Variants in PTPRD observed in about 807,000 individuals in gnomAD.
The protein encoded by PTPRD is protein tyrosine phosphatase receptor type D.
In PTPRD, 34 loss-of-function variants were observed where a neutral mutation model predicts 214.5. The observed-to-expected ratio is 0.16, with a 90% CI of 0.12 to 0.21. The LOEUF (loss-of-function observed/expected upper bound fraction) is 0.21, where lower values mean the gene tolerates loss of function less well. PTPRD is among the 10% of genes least tolerant of loss of function. The probability of loss-of-function intolerance (pLI) is 1.00; values close to 1 mark genes in which losing one functional copy is unlikely to be tolerated. For synonymous variants in PTPRD, 1,128 were observed against 845.7 expected (o/e 1.33, Z -5.79); for missense variants, 2,545 against 2,398.7 (o/e 1.06, Z -1.27).
At chr9:9,863,436 G>T (rs1409534963) in intron 5 of PTPRD, among the ~76,000 whole-genome samples, 2 of 152,162 alleles carry the variant, frequency 1.3e-5, no homozygotes, top group East Asian at 1.9e-4. Context: ...AGGGTATAGT[G>T]AACGTTGAAT....
intron 33 of PTPRD, among the ~76,000 whole-genome samples, chr9:8,452,335 T>G (rs1364235533): frequency 2.0e-5 from 3 of 152,228 alleles, no homozygotes; most frequent in Non-Finnish European, 2.9e-5. Flanking sequence ...CTAGAATGAT[T>G]GTTTTCTAAC....
chr9:8,438,843 G>C (rs940692582), intron 34 of PTPRD: 1 of 152,140 alleles, frequency 6.6e-6, no homozygotes, highest in Non-Finnish European at 1.5e-5. Context: ...AAGCCAGTTG[G>C]AGACGGGAAA....
At chr9:8,384,127 C>T (rs1452300325) in intron 37 of PTPRD, among the ~76,000 whole-genome samples, 1 of 152,130 alleles carries the variant, frequency 6.6e-6, no homozygotes, top group Non-Finnish European at 1.5e-5. Context: ...GCCAATTCTG[C>T]AAGCAAGGCT....
At chr9:8,650,618 C>A (rs1314166655) in intron 12 of PTPRD, among the ~76,000 whole-genome samples, 1 of 150,276 alleles carries the variant, frequency 6.7e-6, no homozygotes, top group African/African-American at 2.4e-5. Flanking sequence ...CTTGCCTATA[C>A]ACCAGTGTTT....
chr9:9,451,378 C>T (rs957593548), intron 8 of PTPRD, among the ~76,000 whole-genome samples: 1 of 151,452 alleles, frequency 6.6e-6, no homozygotes, highest in Non-Finnish European at 1.5e-5. Flanking sequence ...AAAATGAAAC[C>T]ACAAAATTTT....
intron 2 of PTPRD, among the ~76,000 whole-genome samples, chr9:10,362,778 G>A (rs937151327): frequency 6.6e-6 from 1 of 152,126 alleles, no homozygotes; most frequent in African/African-American, 2.4e-5. Context: ...TACTTAGGAG[G>A]CTGAGGCAGA....
rs2062018907 is a variant in PTPRD at position 10,554,446 on chromosome 9, C to T, written c.-600+57952G>A. ...TACTTAGAAACTTTCAGAGTAATTA[C>T]TCTCTTCCCTTATTAATTTAAATAT... On this transcript the variant is annotated intron_variant, in intron 2 of 45. Coordinates refer to ENST00000381196, the MANE Select transcript of PTPRD (RefSeq NM_002839.4). 2.6e-5 allele frequency among the ~76,000 whole-genome samples: 4 copies of T among 152,062 alleles called. 1 individual carries two copies. Among genetic ancestry groups the T allele is most frequent in the Admixed American group, 2.6e-4 (4 of 15,214 alleles).
intron 9 of PTPRD, among the ~76,000 whole-genome samples, chr9:9,300,913 A>G (rs1199059456): frequency 6.6e-6 from 1 of 151,838 alleles, no homozygotes; most frequent in Non-Finnish European, 1.5e-5. Context: ...TCACTTAATT[A>G]TAATGTGCAA....
At chr9:9,418,638 C>T (rs2077693856) in intron 8 of PTPRD, among the ~76,000 whole-genome samples, 1 of 151,974 alleles carries the variant, frequency 6.6e-6, no homozygotes, top group African/African-American at 2.4e-5. Flanking sequence ...AATGAGATAG[C>T]ATACATACTA....
intron 9 of PTPRD, among the ~76,000 whole-genome samples, chr9:9,242,468 A>C (rs2099970841): frequency 6.6e-6 from 1 of 152,032 alleles, no homozygotes; most frequent in South Asian, 2.1e-4. Flanking sequence ...TCTCCCTGTC[A>C]CTTTCAGGTA....
intron 2 of PTPRD, among the ~76,000 whole-genome samples, chr9:10,423,015 T>C (rs1049837324): frequency 7.9e-5 from 12 of 152,120 alleles, no homozygotes; most frequent in Admixed American, 2.6e-4. Context: ...CATATGTTTA[T>C]TGTGGCACTA....
chr9:8,965,032 C>T (rs959294242), intron 11 of PTPRD, among the ~76,000 whole-genome samples: 4 of 151,914 alleles, frequency 2.6e-5, no homozygotes, highest in Non-Finnish European at 5.9e-5. Context: ...GTGATGGGTG[C>T]ATGTAGATGT....
chr9:9,801,427 C>G (rs956372306), intron 5 of PTPRD, among the ~76,000 whole-genome samples: 5 of 151,956 alleles, frequency 3.3e-5, no homozygotes, highest in Non-Finnish European at 7.4e-5. Flanking sequence ...TCAAAGGCTG[C>G]CCTTCTATAA....
chr9:9,241,750 G>C (rs2099970465), intron 9 of PTPRD, among the ~76,000 whole-genome samples: 1 of 151,632 alleles, frequency 6.6e-6, no homozygotes, highest in East Asian at 2.0e-4. Context: ...CTCCATACGA[G>C]ATGGGTTTCC....
chr9:9,718,256 A>G, intron 7 of PTPRD, among the ~76,000 whole-genome samples: 1 of 152,234 alleles, frequency 6.6e-6, no homozygotes, highest in East Asian at 1.9e-4. Flanking sequence ...GCAACATTAA[A>G]GAAAAATTCT....
intron 10 of PTPRD, among the ~76,000 whole-genome samples, chr9:9,049,333 G>A (rs2099680101): frequency 1.3e-5 from 2 of 152,236 alleles, no homozygotes; most frequent in South Asian, 4.1e-4. Flanking sequence ...CCAAGAATAG[G>A]TGCTTTATAA....
At chr9:9,245,154 T>G (rs2099972424) in intron 9 of PTPRD, among the ~76,000 whole-genome samples, 1 of 152,110 alleles carries the variant, frequency 6.6e-6, no homozygotes, top group South Asian at 2.1e-4. Context: ...CTGGAGAGGA[T>G]GTGGAGAAAT....
chr9:10,467,168 G>C (rs1379147874), intron 2 of PTPRD, among the ~76,000 whole-genome samples: 1 of 152,168 alleles, frequency 6.6e-6, no homozygotes, highest in African/African-American at 2.4e-5. Context: ...AGTACAGTGA[G>C]AAGAGTATAC....
intron 35 of PTPRD, among the ~76,000 whole-genome samples, chr9:8,416,359 T>C (rs185734383): frequency 4.6e-5 from 7 of 152,354 alleles, no homozygotes; most frequent in Admixed American, 2.0e-4. Flanking sequence ...TATCAGCAGT[T>C]ATCTCTGAGC....
Sources: allele counts gnomAD v4.1 joint callset (sites outside exome capture counted in the v4.1 genomes callset), GRCh38; gene constraint gnomAD v4.1.1; transcripts MANE v1.5; gene names NCBI Gene and HGNC (gene_info 2026-07-23, HGNC 2026-07-21).